NAALADL2: variants seen among roughly 807,000 people sequenced by gnomAD.
NAALADL2 encodes the protein inactive N-acetylated-alpha-linked acidic dipeptidase-like protein 2.
In NAALADL2, 76 loss-of-function variants were observed where a neutral mutation model predicts 87.2. The ratio of observed to expected loss-of-function variants is 0.87; its 90% confidence interval spans 0.72 to 1.05. NAALADL2 has a LOEUF of 1.05. NAALADL2 is among the 50% of genes least tolerant of loss of function. The pLI is 0.00. For missense variants in NAALADL2, 1,089 were observed against 945.8 expected, an observed-to-expected ratio of 1.15 and a Z score of -1.99; for synonymous variants, 354 against 331.0, an observed-to-expected ratio of 1.07 and a Z score of -0.75.
chr3:175,230,599 A>G (rs969715601), intron 2 of NAALADL2, among the ~76,000 whole-genome samples: 14 of 152,180 alleles, frequency 9.2e-5, no homozygotes, highest in African/African-American at 3.1e-4. Context: ...CGGAAATTAG[A>G]TACAGGAGCA....
intron 2 of NAALADL2, among the ~76,000 whole-genome samples, chr3:175,129,823 T>A (rs1250169160): frequency 6.6e-6 from 1 of 152,218 alleles, no homozygotes; most frequent in Non-Finnish European, 1.5e-5. Context: ...TTTATTTTCT[T>A]TGAATGTATT....
intron 2 of NAALADL2, among the ~76,000 whole-genome samples, chr3:175,106,981 G>C (rs1274769250): frequency 6.6e-6 from 1 of 151,940 alleles, no homozygotes; most frequent in Non-Finnish European, 1.5e-5. Flanking sequence ...TAGCTAACGA[G>C]AGAGAAAGTA....
chr3:175,239,068 A>T (rs1746395543), intron 3 of NAALADL2, among the ~76,000 whole-genome samples: 1 of 152,088 alleles, frequency 6.6e-6, no homozygotes, highest in African/African-American at 2.4e-5. Flanking sequence ...CTGATATCTG[A>T]GATCTACTTC....
intron 9 of NAALADL2, among the ~76,000 whole-genome samples, chr3:175,548,890 T>G (rs764053147): frequency 2.6e-5 from 4 of 152,042 alleles, no homozygotes; most frequent in South Asian, 2.1e-4. Flanking sequence ...GATTCATAGA[T>G]AGTAGTTAAC....
intron 13 of NAALADL2, chr3:175,773,812 A>G (rs1749839364): frequency 6.6e-6 from 1 of 152,128 alleles, no homozygotes. Context: ...GCTATTTGCT[A>G]CTGATTGAAA....
At chr3:174,902,723 G>A (rs939242926) in intron 1 of NAALADL2, among the ~76,000 whole-genome samples, 6 of 152,040 alleles carry the variant, frequency 3.9e-5, no homozygotes, top group Non-Finnish European at 8.8e-5. Context: ...AAATACTGTG[G>A]TCAACTCCAA....
intron 1 of NAALADL2, among the ~76,000 whole-genome samples, chr3:175,036,317 A>AAT (rs2108941647): frequency 1.3e-5 from 2 of 152,292 alleles, no homozygotes; most frequent in Admixed American, 6.5e-5. Flanking sequence ...AAAATAACAA[A>AAT]ATAATACTGA....
chr3:175,635,017 C>T (rs1369718460), intron 11 of NAALADL2, among the ~76,000 whole-genome samples: 1 of 152,008 alleles, frequency 6.6e-6, no homozygotes, highest in Non-Finnish European at 1.5e-5. Context: ...CATATTAAAA[C>T]CAATGCCTTA....
At chr3:174,763,835 A>AAAC (rs1713421140) in intron 3 of NAALADL2, among the ~76,000 whole-genome samples, 1 of 151,162 alleles carries the variant, frequency 6.6e-6, no homozygotes, top group Non-Finnish European at 1.5e-5. Flanking sequence ...AAAACAAAAA[A>AAAC]AAAAAAACAA....
At chr3:175,057,340 G>T (rs1347023545) in intron 1 of NAALADL2, among the ~76,000 whole-genome samples, 1 of 152,090 alleles carries the variant, frequency 6.6e-6, no homozygotes, top group Non-Finnish European at 1.5e-5. Flanking sequence ...GTGTCCATTT[G>T]AAAAGCCAAA....
intron 9 of NAALADL2, among the ~76,000 whole-genome samples, chr3:175,547,809 A>G (rs1161129944): frequency 2.3e-5 from 2 of 86,618 alleles, no homozygotes; most frequent in African/African-American, 3.0e-5. Flanking sequence ...AAAGCTCAAC[A>G]TCACTGATCA....
At chr3:175,334,267 TAGAC>T (rs977107406) in intron 5 of NAALADL2, among the ~76,000 whole-genome samples, 8 of 152,002 alleles carry the variant, frequency 5.3e-5, no homozygotes, top group South Asian at 2.1e-4. Flanking sequence ...GATAGATAGA[TAGAC>T]AGACAGACAG....
At chr3:175,353,108 A>ATGTGTGTGTGTG (rs113022824) in intron 5 of NAALADL2, among the ~76,000 whole-genome samples, 1 of 144,966 alleles carries the variant, frequency 6.9e-6, no homozygotes, top group South Asian at 2.2e-4. Context: ...ATTTAATAAA[A>ATGTGTGTGTGTG]TGTGTGTGTG....
intron 9 of NAALADL2, among the ~76,000 whole-genome samples, chr3:175,498,425 A>C (rs1402785911): frequency 6.6e-6 from 1 of 152,058 alleles, no homozygotes; most frequent in Non-Finnish European, 1.5e-5. Flanking sequence ...AATTTAGGGA[A>C]GTGAAAGATT....
intron 11 of NAALADL2, among the ~76,000 whole-genome samples, chr3:175,673,873 G>A (rs942113242): frequency 6.6e-6 from 1 of 151,454 alleles, no homozygotes; most frequent in African/African-American, 2.4e-5. Flanking sequence ...ATGCATATAG[G>A]CAGGTGGAAA....
chr3:175,151,927 A>G (rs1731603674), intron 2 of NAALADL2, among the ~76,000 whole-genome samples: 1 of 152,238 alleles, frequency 6.6e-6, no homozygotes, highest in East Asian at 1.9e-4. Flanking sequence ...AATGTATTTT[A>G]TAACTTATTC....
At chr3:175,682,851 T>C (rs1283516206) in intron 11 of NAALADL2, among the ~76,000 whole-genome samples, 1 of 152,084 alleles carries the variant, frequency 6.6e-6, no homozygotes, top group Non-Finnish European at 1.5e-5. Flanking sequence ...AACATTCTTA[T>C]TCTTTTATAA....
intron 13 of NAALADL2, among the ~76,000 whole-genome samples, chr3:175,801,527 T>A (rs1298264752): frequency 6.6e-6 from 1 of 152,128 alleles, no homozygotes; most frequent in Non-Finnish European, 1.5e-5. Flanking sequence ...GATGCTGTCC[T>A]GTCTTCATCT....
intron 9 of NAALADL2, among the ~76,000 whole-genome samples, chr3:175,508,899 C>T (rs753113890): frequency 5.3e-5 from 8 of 151,850 alleles, no homozygotes; most frequent in Admixed American, 1.3e-4. Context: ...GTAGATCACC[C>T]GAGGTCAGGA....
Sources: allele counts gnomAD v4.1 joint callset (sites outside exome capture counted in the v4.1 genomes callset), GRCh38; gene constraint gnomAD v4.1.1; transcripts MANE v1.5; gene names NCBI Gene and HGNC (gene_info 2026-07-23, HGNC 2026-07-21).